Variants in RAPGEF4 observed in about 807,000 individuals in gnomAD.
RAPGEF4 encodes the protein RAP guanine-nucleotide-exchange factor (GEF) 4.
Under a neutral mutation model 147.9 loss-of-function variants are expected in RAPGEF4, and 66 were observed. That is an observed-to-expected ratio of 0.45 (90% CI 0.37 to 0.55). The LOEUF is 0.55. Among genes scored for constraint, RAPGEF4 ranks in the 20% least tolerant of loss-of-function variants. The pLI is 0.00. For missense variants in RAPGEF4, 1,071 were observed against 1,257.3 expected, an observed-to-expected ratio of 0.85 and a Z score of 2.24; for synonymous variants, 419 against 442.7, an observed-to-expected ratio of 0.95 and a Z score of 0.67.
chr2:173,027,070 T>C lies in RAPGEF4; in HGVS notation c.2380-11T>C. ...AAAAAATAAGCAAAATTGTTTTCCTTTATTTTCTAGCTGGAGCTAATCTAT... is the reference window on the plus strand; with the variant it reads ...AAAAAATAAGCAAAATTGTTTTCCTCTATTTTCTAGCTGGAGCTAATCTAT... On this transcript the variant is annotated splice_polypyrimidine_tract_variant and intron_variant, in intron 24 of 30. Transcript: ENST00000397081. 1 of 1,570,648 alleles carries C rather than the reference T, an allele frequency of 6.4e-7. No homozygotes were observed.
intron 26 of RAPGEF4, among the ~76,000 whole-genome samples, chr2:173,031,917 G>A (rs533416458): frequency 6.6e-6 from 1 of 152,194 alleles, no homozygotes; most frequent in East Asian, 1.9e-4. Context: ...CACTTGCCGA[G>A]AAAACCTCCC....
At chr2:172,917,927 G>A (rs1168689345) in intron 5 of RAPGEF4, 53 bp downstream of exon 5, 3 of 1,479,230 alleles carry the variant, frequency 2.0e-6, no homozygotes, top group East Asian at 4.5e-5. Context: ...TGTGGTATGT[G>A]TTTTCATGTG....
chr2:172,998,898 C>G (rs1339866272), intron 16 of RAPGEF4, among the ~76,000 whole-genome samples: 1 of 152,204 alleles, frequency 6.6e-6, no homozygotes, highest in Non-Finnish European at 1.5e-5. Context: ...ACTGTGGCAT[C>G]TAAGGAATGA....
chr2:173,002,245 C>G (rs1694007335), intron 17 of RAPGEF4, among the ~76,000 whole-genome samples: 1 of 152,196 alleles, frequency 6.6e-6, no homozygotes, highest in Admixed American at 6.5e-5. Context: ...ATCCTCTCCT[C>G]TAGATACCAA....
intron 4 of RAPGEF4, among the ~76,000 whole-genome samples, chr2:172,887,359 T>TA (rs141656089): frequency 1.4e-4 from 21 of 152,120 alleles, no homozygotes; most frequent in Non-Finnish European, 8.8e-5. Context: ...CTCATTTACT[T>TA]AAAAAAAATT....
intron 10 of RAPGEF4, among the ~76,000 whole-genome samples, chr2:172,973,855 G>T (rs1690779006): frequency 6.6e-6 from 1 of 152,178 alleles, no homozygotes; most frequent in African/African-American, 2.4e-5. Flanking sequence ...ACGTGCATTT[G>T]ACCCAAGAGT....
chr2:172,738,881 A>G (rs1694050292), intron 1 of RAPGEF4, among the ~76,000 whole-genome samples: 1 of 152,234 alleles, frequency 6.6e-6, no homozygotes, highest in South Asian at 2.1e-4. Flanking sequence ...CTGCAGTAGT[A>G]AAGAAGTATA....
At chr2:172,865,463 T>G (rs1342902428) in intron 4 of RAPGEF4, among the ~76,000 whole-genome samples, 1 of 152,232 alleles carries the variant, frequency 6.6e-6, no homozygotes, top group Non-Finnish European at 1.5e-5. Context: ...TGAAAGTTTC[T>G]TGAGGAGTCA....
At chr2:172,977,703 A>G (rs1339342040) in intron 10 of RAPGEF4, among the ~76,000 whole-genome samples, 1 of 152,068 alleles carries the variant, frequency 6.6e-6, no homozygotes, top group Non-Finnish European at 1.5e-5. Flanking sequence ...AATCCTAATG[A>G]CATGTTGAGG....
chr2:172,918,247 C>CTT (rs11332643), intron 5 of RAPGEF4, among the ~76,000 whole-genome samples: 4 of 87,614 alleles, frequency 4.6e-5, no homozygotes, highest in African/African-American at 1.3e-4. Flanking sequence ...CCACCTCTTG[C>CTT]TTTTTTTTTT....
intron 6 of RAPGEF4, among the ~76,000 whole-genome samples, chr2:172,927,333 G>A (rs1685473661): frequency 6.6e-6 from 1 of 152,058 alleles, no homozygotes; most frequent in Non-Finnish European, 1.5e-5. Flanking sequence ...CTTTATTGTT[G>A]CTCTTTTTTA....
At chr2:172,981,664 T>C (rs1691698434) in intron 10 of RAPGEF4, among the ~76,000 whole-genome samples, 1 of 152,220 alleles carries the variant, frequency 6.6e-6, no homozygotes, top group African/African-American at 2.4e-5. Context: ...GAGAACGTTA[T>C]AATATTCTTT....
rs1693700649 is a variant in RAPGEF4 at position 172,735,949 on chromosome 2, GCCGCAGCCAGGGACA to G, written c.-30_-16del. On this transcript the variant is annotated 5_prime_UTR_variant, in exon 1 of 31. Coordinates refer to ENST00000397081, the MANE Select transcript of RAPGEF4 (RefSeq NM_007023.4). ...GCAGGCAGAGCGAGCGCGGGAGGTCGCCGCAGCCAGGGACACCGCGCGCCGCCGCTCAACATGGTC... is the reference window on the plus strand; with the variant it reads ...GCAGGCAGAGCGAGCGCGGGAGGTCGCCGCGCGCCGCCGCTCAACATGGTC... 1.4e-6 allele frequency: 2 copies of G among 1,432,706 alleles called. No individual in the cohort carries two copies. Among genetic ancestry groups the G allele is most frequent in the Non-Finnish European group, 1.8e-6 (2 of 1,089,172 alleles). The allele number at this position is 1,432,706 out of a possible 1,614,324, so 88.7% of individuals were successfully genotyped here.
At chr2:172,870,294 A>G (rs1338942437) in intron 4 of RAPGEF4, among the ~76,000 whole-genome samples, 1 of 152,180 alleles carries the variant, frequency 6.6e-6, no homozygotes, top group Non-Finnish European at 1.5e-5. Context: ...CAGTCAATCA[A>G]TCTATCTAAT....
chr2:172,870,431 T>C (rs973208559), intron 4 of RAPGEF4, among the ~76,000 whole-genome samples: 1 of 152,172 alleles, frequency 6.6e-6, no homozygotes, highest in Non-Finnish European at 1.5e-5. Context: ...TTATGCTTCA[T>C]GAGAGAGGGA....
intron 4 of RAPGEF4, among the ~76,000 whole-genome samples, chr2:172,892,311 T>C (rs1698012990): frequency 6.6e-6 from 1 of 152,236 alleles, no homozygotes. Context: ...CTTAGCTGCA[T>C]AAATATGATG....
intron 10 of RAPGEF4, among the ~76,000 whole-genome samples, chr2:172,979,435 A>G (rs1293724289): frequency 6.6e-6 from 1 of 152,266 alleles, no homozygotes; most frequent in Non-Finnish European, 1.5e-5. Context: ...TATTTTCAGT[A>G]TATACAAAGC....
intron 23 of RAPGEF4, among the ~76,000 whole-genome samples, 172 bp from the exon 24 acceptor site, chr2:173,026,400 G>A (rs906642995): frequency 2.6e-5 from 4 of 152,112 alleles, no homozygotes; most frequent in Non-Finnish European, 5.9e-5. Flanking sequence ...ACTTACAGAC[G>A]ACACTAAAGC....
chr2:173,030,143 C>T (rs1697046945), intron 25 of RAPGEF4, 21 bp from the exon 26 acceptor site: 1 of 1,524,328 alleles, frequency 6.6e-7, no homozygotes, highest in Non-Finnish European at 9.1e-7. Flanking sequence ...TTTACTCAAA[C>T]ACGCATCTCC....
Sources: gnomAD v4.1 joint callset for allele counts (sites outside exome capture counted in the v4.1 genomes callset) on GRCh38, gnomAD v4.1.1 for gene constraint, MANE v1.5 for transcripts, NCBI Gene and HGNC (gene_info 2026-07-23, HGNC 2026-07-21) for gene names.